SFI1: variants seen among roughly 807,000 people sequenced by gnomAD.
SFI1 encodes protein SFI1 homolog.
SFI1 carries 195 observed loss-of-function variants against 207.5 expected under a neutral mutation model. The ratio of observed to expected loss-of-function variants is 0.94; its 90% CI spans 0.84 to 1.06. The LOEUF (loss-of-function observed/expected upper bound fraction) is 1.06. SFI1 is among the 50% of genes least tolerant of loss of function. The pLI is 0.00. For synonymous variants in SFI1, 630 were observed against 598.9 expected (o/e 1.05, Z -0.76); for missense variants, 1,634 against 1,588.0 (o/e 1.03, Z -0.49).
chr22:31,588,543 G>A (rs140506217), intron 14 of SFI1, among the ~76,000 whole-genome samples: 1,637 of 152,246 alleles, frequency 0.011, 8 homozygotes, highest in Middle Eastern at 0.031. Context: ...GGCTGGGCAC[G>A]GTGGCTCATG....
chr22:31,547,037 G>T, intron 5 of SFI1, 66 bp downstream of exon 5: 2 of 1,206,232 alleles, frequency 1.7e-6, no homozygotes, highest in Non-Finnish European at 2.4e-6. Flanking sequence ...ATTTGTTGGC[G>T]TGTTTATGGT....
At position 31,613,849 on chromosome 22, in the gene SFI1, T is replaced by G; in HGVS notation, c.2990T>G (p.Leu997Arg). 6.2e-7 allele frequency: 1 copy of G among 1,601,390 alleles called. No individual in the cohort carries two copies. Residue 997 changes from leucine to arginine, a missense_variant, in exon 27 of 33, where the codon CTG (leucine) becomes CGG (arginine). By Grantham distance (102) the Leu-to-Arg change is moderately radical. Transcript: ENST00000400288. ...CTGGCTGCTGAGGAGCCCCACGCCC[T>G]GGAGCTGTGAGTAGCCTGTGCTCAC... ...GRLAAEEPHA[L>R]ELNTAHSARK... is the part of the protein sequence containing the mutation.
chr22:31,593,881 A>G (rs2066582730), intron 15 of SFI1, among the ~76,000 whole-genome samples: 1 of 148,278 alleles, frequency 6.7e-6, no homozygotes, highest in African/African-American at 2.5e-5. Context: ...GGCATTCGGC[A>G]GACTGAGGCA....
intron 8 of SFI1, among the ~76,000 whole-genome samples, chr22:31,562,662 C>G (rs1308441851): frequency 2.6e-5 from 4 of 151,614 alleles, no homozygotes; most frequent in African/African-American, 4.8e-5. Context: ...GAGACAGAGT[C>G]TCGCTCTGTC....
intron 3 of SFI1, 33 bp from the exon 4 acceptor site, chr22:31,531,024 TA>T (rs1569230493): frequency 6.3e-7 from 1 of 1,586,438 alleles, no homozygotes; most frequent in Non-Finnish European, 8.6e-7. Context: ...AATGGAATTT[TA>T]AAATATGTAT....
intron 2 of SFI1, among the ~76,000 whole-genome samples, chr22:31,527,080 A>G (rs559147731): frequency 6.6e-6 from 1 of 152,222 alleles, no homozygotes; most frequent in Admixed American, 6.5e-5. Context: ...TATTTTTAAT[A>G]GAGACGGGAT....
At chr22:31,608,563 G>A (rs560066866) in intron 22 of SFI1, among the ~76,000 whole-genome samples, 2 of 152,096 alleles carry the variant, frequency 1.3e-5, no homozygotes, top group African/African-American at 2.4e-5. Flanking sequence ...GTTCAGTCCA[G>A]TATATCTTAG....
intron 2 of SFI1, among the ~76,000 whole-genome samples, chr22:31,511,222 C>T (rs1176519050): frequency 3.9e-5 from 6 of 152,000 alleles, no homozygotes; most frequent in African/African-American, 1.5e-4. Context: ...AGTTTTTTCC[C>T]CCAGTGTAAT....
At chr22:31,592,727 G>A (rs2146563528) in intron 15 of SFI1, among the ~76,000 whole-genome samples, 1 of 95,014 alleles carries the variant, frequency 1.1e-5, no homozygotes, top group South Asian at 3.7e-4. Context: ...GTTGGGCAGA[G>A]GGGCTCCTCA....
At chr22:31,589,101 C>T (rs1458940574) in intron 14 of SFI1, among the ~76,000 whole-genome samples, 1 of 152,010 alleles carries the variant, frequency 6.6e-6, no homozygotes, top group African/African-American at 2.4e-5. Context: ...GGTTCAAAAA[C>T]CCCATACATA....
chr22:31,503,744 T>C (rs1223063344), intron 1 of SFI1, among the ~76,000 whole-genome samples: 1 of 150,922 alleles, frequency 6.6e-6, no homozygotes, highest in Non-Finnish European at 1.5e-5. Context: ...TTCGCCACCA[T>C]GCCAATTTTT....
At chr22:31,611,968 A>G in intron 24 of SFI1, 128 bp downstream of exon 24, 4 of 1,446,550 alleles carry the variant, frequency 2.8e-6, no homozygotes, top group South Asian at 1.4e-5. Context: ...CCCCAGGGCC[A>G]CCTCCTCTAC....
chr22:31,575,092 GTGTGTGTGTGTGTGTGT>G, intron 9 of SFI1, 122 bp from the exon 10 acceptor site: 6 of 205,464 alleles, frequency 2.9e-5, no homozygotes, highest in East Asian at 1.7e-4. Flanking sequence ...GTGCGTGTGT[GTGTGTGTGTGTGTGTGT>G]GTGTGTGTGT....
intron 15 of SFI1, among the ~76,000 whole-genome samples, chr22:31,595,714 T>C (rs776193942): frequency 1.3e-5 from 2 of 152,182 alleles, no homozygotes; most frequent in Non-Finnish European, 1.5e-5. Flanking sequence ...CATGGAAGTA[T>C]CTGGGAGAGG....
rs200582124 is a variant in SFI1, at chr22:31,613,461, G to A, written c.2673G>A (p.Thr891=). Reference sequence around the variant, plus strand: ...GGCAGCTCCTCCAGGAGGGTGCCACGCGGCTCCTGCGCTTTGCAGCCAGCA... The same window carrying A: ...GGCAGCTCCTCCAGGAGGGTGCCACACGGCTCCTGCGCTTTGCAGCCAGCA... ...YQGQLLQEGA[T]RLLRFAASMK... Residue 891 remains threonine (T), a synonymous_variant, in exon 26 of 33, where the codon ACG becomes ACA. Transcript: ENST00000400288. The A allele has an allele frequency of 3.1e-5, 50 of 1,604,230 alleles. No homozygotes were observed. In the African/African-American group the frequency reaches 4.4e-4, roughly 14 times the overall value.
intron 14 of SFI1, among the ~76,000 whole-genome samples, chr22:31,585,589 T>A (rs2064929778): frequency 6.6e-6 from 1 of 152,154 alleles, no homozygotes; most frequent in Non-Finnish European, 1.5e-5. Flanking sequence ...TAGATTCAAT[T>A]CCATTTAAGA....
intron 6 of SFI1, 96 bp from the exon 7 acceptor site, chr22:31,556,845 AT>A (rs1602648094): frequency 1.3e-6 from 1 of 755,886 alleles, no homozygotes; most frequent in East Asian, 2.6e-5. Context: ...GGCTGGAGGG[AT>A]TTAGGTATTC....
chr22:31,559,874 C>A, intron 7 of SFI1: 1 of 664,352 alleles, frequency 1.5e-6, no homozygotes, highest in Non-Finnish European at 2.8e-6. Flanking sequence ...CCTTCGTGTC[C>A]GAGGCCAGCA....
Position 31,616,788 on chromosome 22 carries a change from C to G in SFI1, c.3344C>G (p.Pro1115Arg). The G allele has an allele frequency of 6.2e-7, 1 of 1,606,136 alleles. No homozygotes were observed. Among genetic ancestry groups the G allele is most frequent in the Non-Finnish European group, 8.5e-7 (1 of 1,176,460 alleles). The change falls in exon 30 of 33, where the codon CCC becomes CGC. Residue 1115 changes from proline (P) to arginine (R), a missense_variant. By Grantham distance (103) the Pro-to-Arg change is moderately radical (BLOSUM62 -2). Transcript: ENST00000400288. ...RATPRDKPPV[P>R]SSLASVPDPH... Reference sequence around the variant, plus strand: ...ACTCCTAGGGATAAGCCCCCGGTCCCCTCATCCCTGGCCAGTGTCCCTGAC... The same window carrying G: ...ACTCCTAGGGATAAGCCCCCGGTCCGCTCATCCCTGGCCAGTGTCCCTGAC...
Sources: gnomAD v4.1 joint callset for allele counts (sites outside exome capture counted in the v4.1 genomes callset) on GRCh38, gnomAD v4.1.1 for gene constraint, MANE v1.5 for transcripts, NCBI Gene and HGNC (gene_info 2026-07-23, HGNC 2026-07-21) for gene names.